Variants in GMDS observed in about 807,000 individuals in gnomAD.
The protein encoded by GMDS is GDP-mannose 4,6-dehydratase.
Under a neutral mutation model 49.9 loss-of-function variants are expected in GMDS, and 20 were observed. The ratio of observed to expected loss-of-function variants is 0.40; its 90% CI spans 0.28 to 0.58. The LOEUF (loss-of-function observed/expected upper bound fraction) is 0.58, where lower values mean the gene tolerates loss of function less well. Ranked by LOEUF, GMDS falls within the 20% of genes least tolerant of loss-of-function variation. The pLI is 0.42. For synonymous variants in GMDS, 177 were observed against 178.6 expected (o/e 0.99, Z 0.07); for missense variants, 362 against 481.4 (o/e 0.75, Z 2.32).
intron 7 of GMDS, among the ~76,000 whole-genome samples, chr6:1,876,776 T>C (rs1033111634): frequency 6.6e-6 from 1 of 152,226 alleles, no homozygotes; most frequent in Admixed American, 6.5e-5. Context: ...GAATATACCA[T>C]AAAATAAAAT....
chr6:2,016,088 A>T (rs577244341), intron 4 of GMDS, among the ~76,000 whole-genome samples: 3 of 14,042 alleles, frequency 2.1e-4, no homozygotes, highest in African/African-American at 8.0e-4. Flanking sequence ...AAAATAAATT[A>T]AAAAAAAAAA....
At chr6:1,756,409 A>G (rs9392335) in intron 7 of GMDS, among the ~76,000 whole-genome samples, 85,673 of 151,708 alleles carry the variant, frequency 0.56, 24,809 homozygotes, top group African/African-American at 0.69. Context: ...AATTACAGGC[A>G]CCTACCACCA....
At chr6:1,947,413 C>T (rs561950212) in intron 6 of GMDS, among the ~76,000 whole-genome samples, 1 of 152,348 alleles carries the variant, frequency 6.6e-6, no homozygotes, top group African/African-American at 2.4e-5. Context: ...TGAGCTCTTT[C>T]CTGGGTACCT....
chr6:2,034,086 A>G (rs1242723368), intron 4 of GMDS, among the ~76,000 whole-genome samples: 1 of 152,228 alleles, frequency 6.6e-6, no homozygotes, highest in African/African-American at 2.4e-5. Context: ...AAATAGATAT[A>G]TGTATATGCA....
chr6:2,064,407 G>A (rs778880337), intron 4 of GMDS, among the ~76,000 whole-genome samples: 6 of 152,154 alleles, frequency 3.9e-5, no homozygotes, highest in Non-Finnish European at 8.8e-5. Context: ...CAGAGGGAGA[G>A]AAAAAGTATA....
At chr6:1,913,205 C>T (rs1345540771) in intron 7 of GMDS, among the ~76,000 whole-genome samples, 1 of 151,420 alleles carries the variant, frequency 6.6e-6, no homozygotes, top group Non-Finnish European at 1.5e-5. Context: ...AACGGTGAAA[C>T]CCCGTCTCTA....
chr6:1,940,409 C>T (rs894941559), intron 6 of GMDS, among the ~76,000 whole-genome samples: 3 of 152,228 alleles, frequency 2.0e-5, no homozygotes, highest in African/African-American at 7.2e-5. Context: ...CATGAACCTC[C>T]GCCTTGGGGC....
chr6:1,991,481 G>T (rs1423013853), intron 4 of GMDS, among the ~76,000 whole-genome samples: 1 of 152,146 alleles, frequency 6.6e-6, no homozygotes, highest in Non-Finnish European at 1.5e-5. Context: ...GGTCTCCTGT[G>T]ACCAGGCTCT....
At chr6:2,025,960 T>C (rs138502493) in intron 4 of GMDS, among the ~76,000 whole-genome samples, 1 of 152,350 alleles carries the variant, frequency 6.6e-6, no homozygotes, top group East Asian at 1.9e-4. Context: ...GATTTTTAAC[T>C]GCTACATGGC....
At chr6:1,629,651 A>G (rs534549607) in intron 9 of GMDS, among the ~76,000 whole-genome samples, 2 of 151,784 alleles carry the variant, frequency 1.3e-5, no homozygotes, top group Non-Finnish European at 1.5e-5. Context: ...ACCACTGGAC[A>G]CTCCCACTGT....
At chr6:1,637,404 C>T (rs1763192316) in intron 9 of GMDS, among the ~76,000 whole-genome samples, 1 of 152,212 alleles carries the variant, frequency 6.6e-6, no homozygotes, top group Non-Finnish European at 1.5e-5. Flanking sequence ...CTGAACAAGG[C>T]CCCGAGGAAA....
At chr6:2,083,180 A>G (rs1463676388) in intron 4 of GMDS, among the ~76,000 whole-genome samples, 1 of 152,220 alleles carries the variant, frequency 6.6e-6, no homozygotes, top group African/African-American at 2.4e-5. Context: ...CTTTTAATCA[A>G]TACAAGATTA....
At chr6:1,890,357 T>C (rs1183277195) in intron 7 of GMDS, among the ~76,000 whole-genome samples, 1 of 152,204 alleles carries the variant, frequency 6.6e-6, no homozygotes. Flanking sequence ...GCATGTCCTT[T>C]CATGTCGGCT....
chr6:2,183,024 A>G (rs1778626090), intron 1 of GMDS, among the ~76,000 whole-genome samples: 1 of 152,130 alleles, frequency 6.6e-6, no homozygotes, highest in South Asian at 2.1e-4. Context: ...TTATTTGCAA[A>G]TCATTACTGT....
rs115091968 is a variant in GMDS, at chr6:2,189,761, A to G, written c.102+55560T>C. ...ATAATTACTTCTCAGTCTGTATTCTACCCGTTCTGGGGAATGGCTTTGATA... is the reference window on the plus strand; with the variant it reads ...ATAATTACTTCTCAGTCTGTATTCTGCCCGTTCTGGGGAATGGCTTTGATA... On this transcript the variant is annotated intron_variant, in intron 1 of 10. Coordinates refer to ENST00000380815, the MANE Select transcript of GMDS (RefSeq NM_001500.4). 8.3e-3 allele frequency among the ~76,000 whole-genome samples: 1,267 copies of G among 152,280 alleles called. 17 individuals are homozygous for G. The highest frequency in any genetic ancestry group is 0.029 in the African/African-American group (1,199 of 41,538).
intron 7 of GMDS, among the ~76,000 whole-genome samples, chr6:1,877,425 AG>A (rs987896943): frequency 6.6e-6 from 1 of 152,022 alleles, no homozygotes; most frequent in Non-Finnish European, 1.5e-5. Context: ...GGATTGCTTG[AG>A]GAAAGGAGTT....
At chr6:1,780,614 G>A (rs1364599385) in intron 7 of GMDS, among the ~76,000 whole-genome samples, 1 of 152,130 alleles carries the variant, frequency 6.6e-6, no homozygotes, top group Non-Finnish European at 1.5e-5. Flanking sequence ...GGGCTGCTGG[G>A]TGCCAGGCCC....
intron 8 of GMDS, among the ~76,000 whole-genome samples, chr6:1,740,151 CTG>C (rs1767208840): frequency 1.3e-5 from 2 of 152,146 alleles, no homozygotes; most frequent in Admixed American, 6.5e-5. Context: ...TAAGTATAAT[CTG>C]TGTTATTCAC....
At chr6:1,914,989 G>A (rs1411739348) in intron 7 of GMDS, among the ~76,000 whole-genome samples, 1 of 152,230 alleles carries the variant, frequency 6.6e-6, no homozygotes, top group Non-Finnish European at 1.5e-5. Context: ...TCAGGCAGTG[G>A]CCAGCCATTG....
Sources: allele counts gnomAD v4.1 joint callset (sites outside exome capture counted in the v4.1 genomes callset), GRCh38; gene constraint gnomAD v4.1.1; transcripts MANE v1.5; gene names NCBI Gene and HGNC (gene_info 2026-07-23, HGNC 2026-07-21).